Variants in ERP27 observed in about 807,000 individuals in gnomAD.
ERP27 encodes the protein endoplasmic reticulum resident protein 27.
Under a neutral mutation model 27.7 loss-of-function variants are expected in ERP27, and 23 were observed. That is an observed-to-expected ratio of 0.83 (90% CI 0.60 to 1.18). The LOEUF is 1.18. ERP27 is among the 50% of genes most tolerant of loss of function. ERP27 has a pLI of 0.00. For missense variants in ERP27, 363 were observed against 327.9 expected (o/e 1.11, Z -0.83); for synonymous variants, 159 against 118.3 (o/e 1.34, Z -2.23).
intron 4 of ERP27, among the ~76,000 whole-genome samples, chr12:14,917,671 G>C (rs139355283): frequency 1.3e-5 from 2 of 152,164 alleles, no homozygotes; most frequent in African/African-American, 4.8e-5. Context: ...GAGGAGAAAC[G>C]CATGGCCAGG....
At chr12:14,915,788 G>T in intron 5 of ERP27, 102 bp from the exon 6 acceptor site, 1 of 997,292 alleles carries the variant, frequency 1.0e-6, no homozygotes, top group Non-Finnish European at 1.5e-6. Flanking sequence ...TTGAATTTAT[G>T]GTCTGCACCA....
intron 3 of ERP27, among the ~76,000 whole-genome samples, chr12:14,931,433 G>T (rs1244635661): frequency 6.7e-6 from 1 of 149,532 alleles, no homozygotes; most frequent in Non-Finnish European, 1.5e-5. Flanking sequence ...CTAAAGTTTT[G>T]AAAGTGTAAA....
intron 5 of ERP27, 113 bp downstream of exon 5, chr12:14,917,065 T>A: frequency 7.9e-7 from 1 of 1,270,702 alleles, no homozygotes; most frequent in South Asian, 1.4e-5. Context: ...CTTGCTTTGC[T>A]ATCTCCTAAC....
chr12:14,932,826 CA>C (rs1863715950), intron 3 of ERP27, among the ~76,000 whole-genome samples: 1 of 152,018 alleles, frequency 6.6e-6, no homozygotes, highest in Non-Finnish European at 1.5e-5. Flanking sequence ...ATACAACTGG[CA>C]AAAATGTAAG....
chr12:14,921,820 T>C (rs1380013873), intron 3 of ERP27, among the ~76,000 whole-genome samples: 1 of 152,192 alleles, frequency 6.6e-6, no homozygotes, highest in Non-Finnish European at 1.5e-5. Context: ...TGCTGACTTT[T>C]ATGTTGACCA....
At chr12:14,930,742 C>T (rs1487731591) in intron 3 of ERP27, among the ~76,000 whole-genome samples, 2 of 152,150 alleles carry the variant, frequency 1.3e-5, no homozygotes, top group Non-Finnish European at 2.9e-5. Context: ...CCTTTTATTG[C>T]TCCAACATTT....
rs919599197 is a variant in ERP27 at position 14,932,935 on chromosome 12, T to A, written c.333+1921A>T. On this transcript the variant is annotated intron_variant, in intron 3 of 6. Transcript: ENST00000266397. ...AATTCAGTTTTGAACATTTTAAGAG[T>A]ATAGTGCTTATGAGGGTATATACCC... Among the ~76,000 whole-genome samples the A allele has an allele frequency of 2.0e-5, 3 of 152,164 alleles. No individual in the cohort carries two copies. The East Asian group carries it at 5.8e-4, about 29-fold the overall frequency.
intron 3 of ERP27, chr12:14,928,843 C>T (rs948075532): frequency 8.3e-7 from 1 of 1,199,822 alleles, no homozygotes; most frequent in Non-Finnish European, 1.2e-6. Context: ...CACCTCCTTC[C>T]CCTTCCCTTG....
intron 3 of ERP27, among the ~76,000 whole-genome samples, chr12:14,927,344 T>C (rs1863618812): frequency 6.6e-6 from 1 of 151,986 alleles, no homozygotes; most frequent in Non-Finnish European, 1.5e-5. Context: ...TGTGTGTGTG[T>C]GTGTATATAT....
chr12:14,917,406 C>T, intron 4 of ERP27, 103 bp from the exon 5 acceptor site: 1 of 1,468,730 alleles, frequency 6.8e-7, no homozygotes, highest in Non-Finnish European at 9.4e-7. Flanking sequence ...GAGAGCTGGC[C>T]ACTGGTAACA....
Position 14,915,954 on chromosome 12 carries a change from T to G in ERP27, c.577-268A>C, listed in dbSNP as rs545865278. 60 of 290,002 alleles carry G rather than the reference T, an allele frequency of 2.1e-4. No individual in the cohort carries two copies. In the South Asian group the frequency reaches 3.1e-3, roughly 15 times the overall value. The allele number at this position is 290,002 out of a possible 1,614,324, so 18.0% of individuals were successfully genotyped here. ...AATATCACATGTTCCCACTTCTAAG[T>G]GGGAGCTAAATGATGAGAACTCCTG... On this transcript the variant is annotated intron_variant, in intron 5 of 6. Coordinates refer to ENST00000266397, the MANE Select transcript of ERP27 (RefSeq NM_152321.4).
chr12:14,917,812 A>G (rs1863436123), intron 4 of ERP27, among the ~76,000 whole-genome samples: 1 of 152,220 alleles, frequency 6.6e-6, no homozygotes, highest in African/African-American at 2.4e-5. Context: ...CAACCTCCCA[A>G]GAGACCTCAA....
At chr12:14,931,053 T>C (rs1345642341) in intron 3 of ERP27, among the ~76,000 whole-genome samples, 1 of 152,104 alleles carries the variant, frequency 6.6e-6, no homozygotes, top group Non-Finnish European at 1.5e-5. Flanking sequence ...CACTATAATA[T>C]AGTAAAAAGG....
At chr12:14,932,122 C>G (rs1291843562) in intron 3 of ERP27, among the ~76,000 whole-genome samples, 1 of 152,074 alleles carries the variant, frequency 6.6e-6, no homozygotes, top group Admixed American at 6.6e-5. Context: ...TTTAAGGTGC[C>G]AGAGGTGTAT....
At position 14,938,032 on chromosome 12, in the gene ERP27, C is replaced by A. The variant is rs1166688365; in HGVS notation, c.115G>T (p.Glu39Ter). 1 of 1,614,078 alleles carries A rather than the reference C, an allele frequency of 6.2e-7. No individual in the cohort carries two copies. Among genetic ancestry groups the A allele is most frequent in the Admixed American group, 1.7e-5 (1 of 60,020 alleles). Residue 39 changes from glutamate (E) to a stop codon, truncating the protein, a stop_gained, in exon 2 of 7, where the codon GAA becomes TAA. Transcript: ENST00000266397. LOFTEE classifies it high-confidence loss of function. ...KSSDGPGAAQ[E>*]PTWLTDVPAA... ...GGGACATCTGTGAGCCACGTGGGTT[C>A]CTGGGCAGCACCAGGACCATCTAGA...
At chr12:14,919,913 AT>A (rs1592273445) in intron 4 of ERP27, among the ~76,000 whole-genome samples, 1 of 152,312 alleles carries the variant, frequency 6.6e-6, no homozygotes, top group African/African-American at 2.4e-5. Context: ...GTTCTCCTCT[AT>A]AAAATGGACA....
In ERP27 at chr12:14,922,403, T is replaced by A. The variant is rs750228401; in HGVS notation, c.334-1355A>T. 1.5e-4 allele frequency among the ~76,000 whole-genome samples: 23 copies of A among 152,220 alleles called. 1 individual carries two copies. The highest frequency in any genetic ancestry group is 3.1e-4 in the Non-Finnish European group (21 of 68,038). ...ACCACTTAATAATAATTTAAGGATA[T>A]GAGGACAATTAAAGATAATTATCCT... On this transcript the variant is annotated intron_variant, in intron 3 of 6. Transcript: ENST00000266397.
chr12:14,935,058 A>C (rs1170915171), intron 2 of ERP27, 65 bp from the exon 3 acceptor site: 4 of 1,561,742 alleles, frequency 2.6e-6, no homozygotes, highest in Non-Finnish European at 3.5e-6. Context: ...AACGATAGGC[A>C]AAAGAAATAT....
chr12:14,921,823 G>A (rs571034792), intron 3 of ERP27, among the ~76,000 whole-genome samples: 1 of 151,872 alleles, frequency 6.6e-6, no homozygotes, highest in East Asian at 1.9e-4. Context: ...TGACTTTTAT[G>A]TTGACCATTT....
Sources: gnomAD v4.1 joint callset for allele counts (sites outside exome capture counted in the v4.1 genomes callset) on GRCh38, gnomAD v4.1.1 for gene constraint, MANE v1.5 for transcripts, NCBI Gene and HGNC (gene_info 2026-07-23, HGNC 2026-07-21) for gene names.